Variants in ZNF664 observed in about 807,000 individuals in gnomAD.
The protein encoded by ZNF664 is zinc finger protein 664.
ZNF664 carries 10 observed loss-of-function variants against 18.2 expected under a neutral mutation model. That is an observed-to-expected ratio of 0.55 (90% CI 0.34 to 0.93). ZNF664 has a LOEUF of 0.93. ZNF664 is among the 40% of genes least tolerant of loss of function. ZNF664 has a pLI of 0.02. For synonymous variants in ZNF664, 119 were observed against 104.2 expected (o/e 1.14, Z -0.86); for missense variants, 193 against 319.0 (o/e 0.61, Z 3.01).
chr12:124,009,661 G>A (rs1957111904), intron 3 of ZNF664, among the ~76,000 whole-genome samples: 1 of 151,820 alleles, frequency 6.6e-6, no homozygotes, highest in African/African-American at 2.4e-5. Flanking sequence ...ACCATGCCTG[G>A]CTAACTTTTT....
chr12:123,975,177 GTAGTA>G (rs1956673561), intron 2 of ZNF664, among the ~76,000 whole-genome samples: 1 of 152,128 alleles, frequency 6.6e-6, no homozygotes, highest in East Asian at 1.9e-4. Context: ...GGAATGTAAA[GTAGTA>G]TATATAAAGG....
chr12:123,995,029 GTAC>G (rs1956931529), intron 3 of ZNF664, among the ~76,000 whole-genome samples: 2 of 152,330 alleles, frequency 1.3e-5, no homozygotes, highest in East Asian at 3.9e-4. Flanking sequence ...TGATGAAAAT[GTAC>G]TATTTGCATA....
At chr12:124,005,371 C>A (rs905886070) in intron 3 of ZNF664, among the ~76,000 whole-genome samples, 1 of 152,112 alleles carries the variant, frequency 6.6e-6, no homozygotes, top group African/African-American at 2.4e-5. Context: ...GCAGTCTTAC[C>A]ATAACATGCA....
intron 3 of ZNF664, among the ~76,000 whole-genome samples, chr12:123,995,435 A>T (rs1033810337): frequency 1.3e-5 from 2 of 152,226 alleles, no homozygotes; most frequent in African/African-American, 2.4e-5. Context: ...ACAAGCTCCC[A>T]GGTGAGGCTG....
intron 3 of ZNF664, among the ~76,000 whole-genome samples, chr12:124,007,462 T>C (rs1594573840): frequency 6.6e-6 from 1 of 152,208 alleles, no homozygotes; most frequent in African/African-American, 2.4e-5. Flanking sequence ...GCTGCCTTTG[T>C]CTTTTGCTTG....
At chr12:123,987,148 TC>T (rs1322634803) in intron 2 of ZNF664, among the ~76,000 whole-genome samples, 2 of 152,108 alleles carry the variant, frequency 1.3e-5, no homozygotes, top group Admixed American at 6.6e-5. Flanking sequence ...CATAATCCTT[TC>T]CCCCAAAGCT....
chr12:123,988,247 C>T lies in ZNF664; in HGVS notation c.-661+109C>T, dbSNP rs964269377. 6.7e-6 allele frequency: 7 copies of T among 1,041,416 alleles called. No homozygotes were observed. In the Admixed American group the frequency reaches 2.1e-4, roughly 32 times the overall value. 64.5% of individuals were successfully genotyped at this position (1,041,416 alleles called of 1,614,324 possible). A position where few individuals can be genotyped will look rare whatever the true frequency, so the allele number is the denominator to read the frequency against. ...TTTCTGAGCATGTGCCCTTTGGGCT[C>T]AGTGAGGAAGCAGCTCTCCGTGCAC... is the stretch of plus-strand genomic sequence containing the variant. On this transcript the variant is annotated intron_variant, in intron 3 of 4. Transcript: ENST00000337815.
intron 3 of ZNF664, among the ~76,000 whole-genome samples, chr12:123,991,280 G>T (rs1392567272): frequency 6.6e-6 from 1 of 152,096 alleles, no homozygotes; most frequent in African/African-American, 2.4e-5. Context: ...AAAGTAGTGG[G>T]GTGCAAACCA....
chr12:123,980,767 T>C (rs1156350250), intron 2 of ZNF664, among the ~76,000 whole-genome samples: 1 of 152,196 alleles, frequency 6.6e-6, no homozygotes, highest in Non-Finnish European at 1.5e-5. Context: ...AGAAATTAGA[T>C]GGAAATCTTA....
Position 124,012,830 on chromosome 12 carries a change from G to A in ZNF664, c.686G>A (p.Cys229Tyr). 1 of 1,614,022 alleles carries A rather than the reference G, an allele frequency of 6.2e-7. No individual in the cohort carries two copies. The highest frequency in any genetic ancestry group is 8.5e-7 in the Non-Finnish European group (1 of 1,180,004). The change falls in exon 5 of 5, where the codon TGT (cysteine) becomes TAT (tyrosine). Residue 229 changes from cysteine to tyrosine, a missense_variant. Transcript: ENST00000337815. The part of the protein sequence containing the change: ...RVHTGEKPFK[C>Y]DECGKAFSQS... ...CACACAGGAGAGAAACCTTTCAAAT[G>A]TGATGAGTGCGGAAAGGCCTTCAGT...
chr12:123,997,174 A>G (rs986362078), intron 3 of ZNF664, among the ~76,000 whole-genome samples: 3 of 152,198 alleles, frequency 2.0e-5, no homozygotes, highest in South Asian at 4.1e-4. Flanking sequence ...TTTTAGAGCT[A>G]AAAGGGCTTG....
chr12:124,005,719 G>A (rs569382679), intron 3 of ZNF664, among the ~76,000 whole-genome samples: 4 of 152,068 alleles, frequency 2.6e-5, no homozygotes, highest in Admixed American at 6.5e-5. Flanking sequence ...CACATCCCCC[G>A]TCTTTCTAAA....
In ZNF664 at chr12:124,011,740, C is replaced by G. The variant is rs1025973436; in HGVS notation, c.-405C>G. ...CTCATCCTTCGATACAGGGGATATA[C>G]TGTACAGTCCTTTTTCTAGAAGTGA... On this transcript the variant is annotated 5_prime_UTR_variant, in exon 5 of 5. An upstream open reading frame in the 5' UTR gains an earlier in-frame stop. Transcript: ENST00000337815. 4 of 1,052,808 alleles carry G rather than the reference C, an allele frequency of 3.8e-6. No individual in the cohort carries two copies. The highest frequency in any genetic ancestry group is 4.6e-6 in the Non-Finnish European group (4 of 876,160). 65.2% of individuals were successfully genotyped at this position (1,052,808 alleles called of 1,614,324 possible). A position where few individuals can be genotyped will look rare whatever the true frequency, so the allele number is the denominator to read the frequency against.
chr12:123,973,217 G>C lies in ZNF664; in HGVS notation c.-1027G>C. 1 of 985,700 alleles carries C rather than the reference G, an allele frequency of 1.0e-6. No individual in the cohort carries two copies. Among genetic ancestry groups the C allele is most frequent in the African/African-American group, 1.8e-5 (1 of 56,800 alleles). 61.1% of individuals were successfully genotyped at this position (985,700 alleles called of 1,614,324 possible). A position where few individuals can be genotyped will look rare whatever the true frequency, so the allele number is the denominator to read the frequency against. On this transcript the variant is annotated 5_prime_UTR_variant, in exon 1 of 5. Coordinates refer to ENST00000337815, the MANE Select transcript of ZNF664 (RefSeq NM_152437.3). ...CCCGGCCTCGTGCGTGCGCACGCGC[G>C]CTGTCCCCCGGAGGCGTCTGGGTGT...
chr12:123,975,102 C>G (rs1375365668), intron 2 of ZNF664, among the ~76,000 whole-genome samples: 4 of 152,136 alleles, frequency 2.6e-5, no homozygotes, highest in Non-Finnish European at 4.4e-5. Context: ...CCTCGGTTTT[C>G]TTTTCTGTAA....
intron 3 of ZNF664, among the ~76,000 whole-genome samples, chr12:123,995,773 T>G (rs1274342948): frequency 6.6e-6 from 1 of 152,212 alleles, no homozygotes; most frequent in African/African-American, 2.4e-5. Context: ...CTAGCACATG[T>G]GAATGAACTC....
intron 2 of ZNF664, among the ~76,000 whole-genome samples, chr12:123,983,434 C>T (rs1956789370): frequency 1.3e-5 from 2 of 152,204 alleles, no homozygotes; most frequent in African/African-American, 4.8e-5. Context: ...TTCAGTAAAG[C>T]TATTCTAGAA....
rs534149106 is a variant in ZNF664 at position 124,014,482 on chromosome 12, T to C, written c.*1552T>C. ...CAAGGAATGTTTAGAAGACCAAAAG[T>C]CCCCAATGACAGGAACAAAAGCAAC... On this transcript the variant is annotated 3_prime_UTR_variant, in exon 5 of 5. Transcript: ENST00000337815. 5 of 167,210 alleles carry C rather than the reference T, an allele frequency of 3.0e-5. No individual in the cohort carries two copies. Among genetic ancestry groups the C allele is most frequent in the African/African-American group, 9.6e-5 (4 of 41,560 alleles). The allele number at this position is 167,210 out of a possible 1,614,324, so 10.4% of individuals were successfully genotyped here. A position where few individuals can be genotyped will look rare whatever the true frequency, so the allele number is the denominator to read the frequency against.
intron 3 of ZNF664, among the ~76,000 whole-genome samples, chr12:123,991,216 A>G (rs1956885328): frequency 6.6e-6 from 1 of 152,216 alleles, no homozygotes; most frequent in Admixed American, 6.5e-5. Flanking sequence ...GAAGCTAATC[A>G]TTGTGTCCCA....
Sources: gnomAD v4.1 joint callset for allele counts (sites outside exome capture counted in the v4.1 genomes callset) on GRCh38, gnomAD v4.1.1 for gene constraint, MANE v1.5 for transcripts, NCBI Gene and HGNC (gene_info 2026-07-23, HGNC 2026-07-21) for gene names.